The following SYT1 variants were observed in gnomAD, a reference collection of about 807,000 sequenced individuals.
SYT1 encodes synaptotagmin-1.
In SYT1, 8 loss-of-function variants were observed where a neutral mutation model predicts 44.8. The observed-to-expected ratio is 0.18, with a 90% CI of 0.10 to 0.32. The LOEUF (loss-of-function observed/expected upper bound fraction) is 0.32, where lower values mean the gene tolerates loss of function less well. Ranked by LOEUF, SYT1 falls within the 10% of genes least tolerant of loss-of-function variation. The pLI is 1.00. For missense variants in SYT1, 286 were observed against 509.3 expected, an observed-to-expected ratio of 0.56 and a Z score of 4.22; for synonymous variants, 154 against 188.8, an observed-to-expected ratio of 0.82 and a Z score of 1.51.
chr12:79,235,123 C>T (rs372552019), intron 4 of SYT1, among the ~76,000 whole-genome samples: 1 of 152,154 alleles, frequency 6.6e-6, no homozygotes. Flanking sequence ...TATAGAATTA[C>T]TATGTCTGGT....
intron 1 of SYT1, among the ~76,000 whole-genome samples, chr12:78,876,461 GTGT>G (rs770619557): frequency 0.039 from 1,188 of 30,210 alleles, 47 homozygotes; most frequent in African/African-American, 0.063. Context: ...GAAAATGGAG[GTGT>G]TTTTTTTTTT....
intron 3 of SYT1, among the ~76,000 whole-genome samples, chr12:79,086,016 T>A (rs1302080467): frequency 6.6e-6 from 1 of 152,158 alleles, no homozygotes; most frequent in African/African-American, 2.4e-5. Context: ...TACTAGTCAG[T>A]CTGAATATTG....
At chr12:79,161,819 A>G (rs958104925) in intron 3 of SYT1, among the ~76,000 whole-genome samples, 2 of 152,018 alleles carry the variant, frequency 1.3e-5, no homozygotes, top group African/African-American at 4.8e-5. Flanking sequence ...ATTTTTATAC[A>G]TTGCTCTTAC....
At chr12:78,913,694 T>C (rs1236019504) in intron 1 of SYT1, among the ~76,000 whole-genome samples, 3 of 151,870 alleles carry the variant, frequency 2.0e-5, no homozygotes, top group Non-Finnish European at 2.9e-5. Context: ...ACAACTTTTA[T>C]TTGATCTTGT....
chr12:79,192,679 C>T (rs558192620), intron 3 of SYT1, among the ~76,000 whole-genome samples: 1 of 152,038 alleles, frequency 6.6e-6, no homozygotes, highest in Non-Finnish European at 1.5e-5. Flanking sequence ...AAGTATTTTG[C>T]GAAACCATTC....
At chr12:79,258,548 G>T (rs1309525319) in intron 4 of SYT1, among the ~76,000 whole-genome samples, 1 of 152,184 alleles carries the variant, frequency 6.6e-6, no homozygotes, top group Admixed American at 6.5e-5. Flanking sequence ...AGGTGATTTT[G>T]ACTCTAAAGC....
chr12:79,265,718 T>C (rs1490022150), intron 4 of SYT1, among the ~76,000 whole-genome samples: 1 of 152,168 alleles, frequency 6.6e-6, no homozygotes, highest in Non-Finnish European at 1.5e-5. Context: ...TTAGCTATTC[T>C]ACAATATGGT....
chr12:78,897,033 T>C (rs911214111), intron 1 of SYT1, among the ~76,000 whole-genome samples: 1 of 151,864 alleles, frequency 6.6e-6, no homozygotes, highest in African/African-American at 2.4e-5. Flanking sequence ...TATAAGTGTA[T>C]GACAATGTCA....
chr12:79,013,234 GGT>G (rs140023138), intron 2 of SYT1, among the ~76,000 whole-genome samples: 36 of 151,434 alleles, frequency 2.4e-4, no homozygotes, highest in East Asian at 1.4e-3. Flanking sequence ...ATTGTGTGTT[GGT>G]GTGTGTGTGT....
rs572453408 is a variant in SYT1 at position 79,445,168 on chromosome 12, AT to A, written c.1062+966del. Among the ~76,000 whole-genome samples the A allele has an allele frequency of 2.5e-3, 388 of 152,196 alleles. 1 individual carries two copies. Among genetic ancestry groups the A allele is most frequent in the Non-Finnish European group, 4.0e-3 (273 of 67,942 alleles). On this transcript the variant is annotated intron_variant, in intron 10 of 10. Transcript: ENST00000261205. The stretch of plus-strand genomic sequence containing the variant: ...ATAACAAATACTCTTTATTTATTTT[AT>A]TTTATTTATTTTAATTGCCAAATAG...
chr12:78,966,029 A>C (rs958874661), intron 1 of SYT1, among the ~76,000 whole-genome samples: 8 of 150,666 alleles, frequency 5.3e-5, no homozygotes, highest in African/African-American at 2.0e-4. Flanking sequence ...GTGAGATGAG[A>C]CCACGCCACT....
chr12:78,886,896 G>T lies in SYT1; in HGVS notation c.-217+21787G>T, dbSNP rs191744990. On this transcript the variant is annotated intron_variant, in intron 1 of 10. Transcript: ENST00000261205. ...ACACATTTTCATGATCTATATTTAG[G>T]CATGAGATTAAACTGGAAGCCCCAC... 2.4e-4 allele frequency among the ~76,000 whole-genome samples: 36 copies of T among 152,100 alleles called. No individual in the cohort carries two copies. The East Asian group carries it at 6.6e-3, about 28-fold the overall frequency.
At position 78,928,251 on chromosome 12, in the gene SYT1, T is replaced by C. The variant is rs564065833; in HGVS notation, c.-216-49548T>C. The stretch of plus-strand genomic sequence containing the variant: ...CCCTAGTGATGCCTGGAACTGCAGA[T>C]AGTACTGAACCCAATTGCTGTCAAT... On this transcript the variant is annotated intron_variant, in intron 1 of 10. Coordinates refer to ENST00000261205, the MANE Select transcript of SYT1 (RefSeq NM_005639.3). Among the ~76,000 whole-genome samples, 241 of 152,282 alleles carry C rather than the reference T, an allele frequency of 1.6e-3. 1 individual carries two copies. The highest frequency in any genetic ancestry group is 5.6e-3 in the African/African-American group (234 of 41,562).
chr12:78,920,258 T>C (rs1238030883), intron 1 of SYT1, among the ~76,000 whole-genome samples: 1 of 151,998 alleles, frequency 6.6e-6, no homozygotes, highest in African/African-American at 2.4e-5. Context: ...TAACATTTGA[T>C]AGGATATGCT....
intron 8 of SYT1, among the ~76,000 whole-genome samples, chr12:79,349,023 GAA>G (rs1448588835): frequency 1.2e-5 from 1 of 86,430 alleles, no homozygotes; most frequent in Non-Finnish European, 2.3e-5. Flanking sequence ...AAGAAAGAAA[GAA>G]AGAAAGAAAA....
intron 3 of SYT1, among the ~76,000 whole-genome samples, chr12:79,049,605 G>T (rs1221174468): frequency 6.6e-6 from 1 of 151,874 alleles, no homozygotes; most frequent in Non-Finnish European, 1.5e-5. Context: ...AGCCACTAAA[G>T]GCTCGTGAGT....
intron 2 of SYT1, among the ~76,000 whole-genome samples, chr12:79,025,523 G>A (rs1565768921): frequency 6.6e-6 from 1 of 151,492 alleles, no homozygotes; most frequent in African/African-American, 2.4e-5. Context: ...AAAAGAACTC[G>A]AAGTACACTG....
At chr12:79,091,174 G>C (rs992855729) in intron 3 of SYT1, among the ~76,000 whole-genome samples, 2 of 151,900 alleles carry the variant, frequency 1.3e-5, no homozygotes, top group African/African-American at 4.8e-5. Flanking sequence ...TCCCCTCTTT[G>C]AAATTTATTT....
chr12:79,288,844 G>T (rs931631628), intron 5 of SYT1, among the ~76,000 whole-genome samples: 4 of 152,086 alleles, frequency 2.6e-5, no homozygotes, highest in African/African-American at 9.7e-5. Flanking sequence ...CCTTGCGGTA[G>T]GTTTCCTCTG....
Sources: gnomAD v4.1 joint callset for allele counts (sites outside exome capture counted in the v4.1 genomes callset) on GRCh38, gnomAD v4.1.1 for gene constraint, MANE v1.5 for transcripts, NCBI Gene and HGNC (gene_info 2026-07-23, HGNC 2026-07-21) for gene names.